Variants in EEFSEC observed in about 807,000 individuals in gnomAD.
The protein encoded by EEFSEC is selenocysteine-specific elongation factor.
A neutral mutation model predicts 42.1 loss-of-function variants in EEFSEC; 43 were observed. The ratio of observed to expected loss-of-function variants is 1.02; its 90% CI spans 0.80 to 1.32. The LOEUF is 1.32. Ranked by LOEUF, EEFSEC falls within the 40% of genes most tolerant of loss-of-function variation. The pLI is 0.00. For synonymous variants in EEFSEC, 354 were observed against 339.1 expected, an observed-to-expected ratio of 1.04 and a Z score of -0.48; for missense variants, 745 against 803.6, an observed-to-expected ratio of 0.93 and a Z score of 0.88.
intron 1 of EEFSEC, among the ~76,000 whole-genome samples, chr3:128,231,000 GC>G: frequency 6.6e-6 from 1 of 152,280 alleles, no homozygotes; most frequent in South Asian, 2.1e-4. Flanking sequence ...ATCAGGCAGA[GC>G]CAGCATTGGC....
chr3:128,170,853 A>G (rs2065289108), intron 1 of EEFSEC, among the ~76,000 whole-genome samples: 1 of 152,252 alleles, frequency 6.6e-6, no homozygotes, highest in African/African-American at 2.4e-5. Context: ...TTTCTTTTCG[A>G]GGAATGAATA....
chr3:128,235,936 G>A (rs1015731511), intron 1 of EEFSEC, among the ~76,000 whole-genome samples: 3 of 138,764 alleles, frequency 2.2e-5, no homozygotes, highest in South Asian at 2.4e-4. Context: ...GTGTGGATGG[G>A]CAAAGGTTTG....
intron 4 of EEFSEC, among the ~76,000 whole-genome samples, chr3:128,325,479 G>T (rs2108046002): frequency 6.6e-6 from 1 of 152,332 alleles, no homozygotes; most frequent in South Asian, 2.1e-4. Flanking sequence ...GGTCTCAGGT[G>T]CCCTGTAGAA....
At chr3:128,242,134 T>A (rs2066078066) in intron 1 of EEFSEC, among the ~76,000 whole-genome samples, 1 of 151,684 alleles carries the variant, frequency 6.6e-6, no homozygotes, top group Non-Finnish European at 1.5e-5. Context: ...CTGGGCAACA[T>A]AGCAAGACTC....
chr3:128,161,887 G>A (rs2065191535), intron 1 of EEFSEC, among the ~76,000 whole-genome samples: 1 of 152,176 alleles, frequency 6.6e-6, no homozygotes, highest in Non-Finnish European at 1.5e-5. Context: ...TCCCCGGAAA[G>A]CAGCCTGCTC....
At chr3:128,244,867 C>T (rs2955088) in intron 1 of EEFSEC, among the ~76,000 whole-genome samples, 130,789 of 152,242 alleles carry the variant, frequency 0.86, 56,393 homozygotes, top group East Asian at 0.99. Flanking sequence ...CACTCCGCCT[C>T]GGATATCATT....
rs1400264508 is a variant in EEFSEC, at chr3:128,245,611, CA to C, written c.317-1224del. Among the ~76,000 whole-genome samples, 3 of 152,174 alleles carry C rather than the reference CA, an allele frequency of 2.0e-5. No homozygotes were observed. In the East Asian group the frequency reaches 5.8e-4, roughly 29 times the overall value. ...GGGAGGCCAGAGGAGTGTCACAGGA[CA>C]GGGGTGACCAAGAGGCCTCTTGGAA... On this transcript the variant is annotated intron_variant, in intron 1 of 6. Transcript: ENST00000254730.
chr3:128,284,147 T>C (rs1223693595), intron 4 of EEFSEC, among the ~76,000 whole-genome samples: 1 of 152,088 alleles, frequency 6.6e-6, no homozygotes, highest in Non-Finnish European at 1.5e-5. Context: ...CCTGAATGTC[T>C]CTCCTCTTTC....
intron 1 of EEFSEC, among the ~76,000 whole-genome samples, chr3:128,194,162 C>T (rs1038632830): frequency 2.0e-5 from 3 of 152,156 alleles, no homozygotes; most frequent in Admixed American, 2.0e-4. Flanking sequence ...CTTTTCAGCT[C>T]ATAAAAAAGA....
At chr3:128,255,374 C>T (rs534207448) in intron 2 of EEFSEC, among the ~76,000 whole-genome samples, 93 of 152,264 alleles carry the variant, frequency 6.1e-4, no homozygotes, top group African/African-American at 2.2e-3. Context: ...CAGAGGAAAG[C>T]GATTGCAAGG....
intron 4 of EEFSEC, among the ~76,000 whole-genome samples, chr3:128,300,562 A>T (rs1257552101): frequency 8.4e-6 from 1 of 118,988 alleles, no homozygotes; most frequent in Non-Finnish European, 1.8e-5. Context: ...AAAAAAAAAA[A>T]GGCCAGTGTG....
At chr3:128,353,460 C>G (rs926389268) in intron 5 of EEFSEC, among the ~76,000 whole-genome samples, 1 of 152,234 alleles carries the variant, frequency 6.6e-6, no homozygotes, top group Non-Finnish European at 1.5e-5. Context: ...TTTCCCTCCT[C>G]TCCTCCTCCC....
At chr3:128,249,237 T>G (rs567098841) in intron 2 of EEFSEC, among the ~76,000 whole-genome samples, 1 of 152,358 alleles carries the variant, frequency 6.6e-6, no homozygotes, top group East Asian at 1.9e-4. Context: ...TATTTTTTTC[T>G]GTCCAAAGAG....
At chr3:128,264,826 A>C in intron 4 of EEFSEC, 45 bp downstream of exon 4, 11 of 1,587,092 alleles carry the variant, frequency 6.9e-6, no homozygotes, top group Non-Finnish European at 8.6e-6. Flanking sequence ...CGCTGGCAGC[A>C]AGGGAGGGGG....
intron 6 of EEFSEC, among the ~76,000 whole-genome samples, chr3:128,380,130 G>A (rs1232552018): frequency 6.6e-6 from 1 of 152,196 alleles, no homozygotes; most frequent in African/African-American, 2.4e-5. Flanking sequence ...GGTGCAAGGT[G>A]CTTGGTGCCA....
intron 1 of EEFSEC, among the ~76,000 whole-genome samples, chr3:128,171,925 A>G (rs144194487): frequency 9.7e-4 from 148 of 152,330 alleles, no homozygotes; most frequent in Non-Finnish European, 1.6e-3. Context: ...AACTATTTAC[A>G]TAGCATTTTT....
At chr3:128,392,802 C>G (rs1000855481) in intron 6 of EEFSEC, among the ~76,000 whole-genome samples, 1 of 152,328 alleles carries the variant, frequency 6.6e-6, no homozygotes, top group Non-Finnish European at 1.5e-5. Flanking sequence ...ACAGGCTGCT[C>G]GGGTGCTGCC....
chr3:128,292,498 A>G (rs1287726922), intron 4 of EEFSEC, among the ~76,000 whole-genome samples: 1 of 151,586 alleles, frequency 6.6e-6, no homozygotes, highest in Non-Finnish European at 1.5e-5. Flanking sequence ...TATATATATG[A>G]TGTATATTAT....
chr3:128,165,994 A>C (rs2065239229), intron 1 of EEFSEC, among the ~76,000 whole-genome samples: 1 of 152,204 alleles, frequency 6.6e-6, no homozygotes, highest in Non-Finnish European at 1.5e-5. Flanking sequence ...TTTCGCCATG[A>C]ACAGTAAAGG....
Sources: gnomAD v4.1 joint callset for allele counts (sites outside exome capture counted in the v4.1 genomes callset) on GRCh38, gnomAD v4.1.1 for gene constraint, MANE v1.5 for transcripts, NCBI Gene and HGNC (gene_info 2026-07-23, HGNC 2026-07-21) for gene names.